Variants in ABL1 observed in about 807,000 individuals in gnomAD.
ABL1 encodes the protein tyrosine-protein kinase ABL1.
In ABL1, 11 loss-of-function variants were observed where a neutral mutation model predicts 94.7. The observed-to-expected ratio is 0.12, with a 90% CI of 0.07 to 0.19. The LOEUF is 0.19. ABL1 is among the 10% of genes least tolerant of loss of function. The pLI, the probability that ABL1 is intolerant of heterozygous loss-of-function variation, is 1.00. For missense variants in ABL1, 1,082 were observed against 1,489.4 expected, an observed-to-expected ratio of 0.73 and a Z score of 4.50; for synonymous variants, 656 against 622.4, an observed-to-expected ratio of 1.05 and a Z score of -0.80.
At chr9:130,783,836 A>T (rs563832153) in intron 1 of ABL1, among the ~76,000 whole-genome samples, 1 of 152,082 alleles carries the variant, frequency 6.6e-6, no homozygotes, top group Admixed American at 6.6e-5. Flanking sequence ...TTGTATTTTT[A>T]GTAGAGACGG....
chr9:130,752,481 G>C (rs1803106589), intron 1 of ABL1, among the ~76,000 whole-genome samples: 2 of 152,176 alleles, frequency 1.3e-5, no homozygotes, highest in Admixed American at 1.3e-4. Flanking sequence ...GGGTTGCTAT[G>C]AGGGTGAAGT....
chr9:130,790,285 C>G (rs1317069834), intron 1 of ABL1, among the ~76,000 whole-genome samples: 1 of 151,848 alleles, frequency 6.6e-6, no homozygotes, highest in Non-Finnish European at 1.5e-5. Flanking sequence ...GCCTGTGGCC[C>G]CCACCCTTTT....
At chr9:130,842,099 C>A (rs531379686) in intron 1 of ABL1, among the ~76,000 whole-genome samples, 21 of 150,096 alleles carry the variant, frequency 1.4e-4, no homozygotes, top group African/African-American at 4.7e-4. Flanking sequence ...AATAGGATGG[C>A]CAGTGGGGCT....
exon 1 of ABL1, chr9:130,714,231 C>T: frequency 7.7e-7 from 1 of 1,297,288 alleles, no homozygotes; most frequent in Non-Finnish European, 1.0e-6. Flanking sequence ...AATGTGAAAT[C>T]CCACGTATAT....
At chr9:130,841,764 A>T (rs916612944) in intron 1 of ABL1, among the ~76,000 whole-genome samples, 7 of 152,002 alleles carry the variant, frequency 4.6e-5, no homozygotes, top group African/African-American at 1.7e-4. Flanking sequence ...GTGAGCCGCG[A>T]TCTCACCATT....
At chr9:130,733,797 A>C (rs573138392) in intron 1 of ABL1, among the ~76,000 whole-genome samples, 1 of 151,832 alleles carries the variant, frequency 6.6e-6, no homozygotes, top group South Asian at 2.1e-4. Context: ...TCACCATGTT[A>C]GCCAGGATGG....
At chr9:130,742,783 A>G (rs1831836074) in intron 1 of ABL1, among the ~76,000 whole-genome samples, 1 of 152,146 alleles carries the variant, frequency 6.6e-6, no homozygotes, top group African/African-American at 2.4e-5. Flanking sequence ...ATGTATGTTT[A>G]TATGTATATC....
chr9:130,742,515 C>T lies in ABL1; in HGVS notation c.136+28060C>T, dbSNP rs115308269. Among the ~76,000 whole-genome samples the T allele has an allele frequency of 4.1e-3, 629 of 152,252 alleles. 5 individuals are homozygous for T. The highest frequency in any genetic ancestry group is 0.014 in the African/African-American group (591 of 41,544). On this transcript the variant is annotated intron_variant, in intron 1 of 10. Coordinates refer to the ABL1 transcript ENST00000372348. Reference sequence around the variant, plus strand: ...CCAGGTTTCGTCACATATTCCCTACCTGTTGCTGCCATTGAGGGCTTTCTC... The same window carrying T: ...CCAGGTTTCGTCACATATTCCCTACTTGTTGCTGCCATTGAGGGCTTTCTC...
At chr9:130,740,532 C>T (rs944782154) in intron 1 of ABL1, among the ~76,000 whole-genome samples, 8 of 152,260 alleles carry the variant, frequency 5.3e-5, no homozygotes, top group Non-Finnish European at 1.0e-4. Context: ...GGTGGTGGTA[C>T]TATGCCACAG....
chr9:130,713,183 G>A (rs1244169405), exon 1 of ABL1, among the ~76,000 whole-genome samples: 1 of 152,190 alleles, frequency 6.6e-6, no homozygotes, highest in East Asian at 1.9e-4. Context: ...TCCCTCGGCG[G>A]AGCTCGGGAG....
intron 1 of ABL1, among the ~76,000 whole-genome samples, chr9:130,845,444 C>T (rs1321384445): frequency 4.6e-5 from 7 of 151,882 alleles, no homozygotes; most frequent in East Asian, 3.9e-4. Flanking sequence ...CGGGTTCAAG[C>T]GAAACCCCTG....
intron 1 of ABL1, among the ~76,000 whole-genome samples, chr9:130,747,429 G>A (rs902940134): frequency 1.3e-5 from 2 of 151,704 alleles, no homozygotes; most frequent in Non-Finnish European, 2.9e-5. Context: ...TTTTGTTTGC[G>A]TGGGGACAGA....
chr9:130,798,816 A>G (rs1380300144), intron 1 of ABL1, among the ~76,000 whole-genome samples: 2 of 151,938 alleles, frequency 1.3e-5, no homozygotes, highest in Non-Finnish European at 2.9e-5. Context: ...AAAATACAAA[A>G]AAGAATTAGC....
chr9:130,745,126 C>G lies in ABL1; in HGVS notation c.136+30671C>G, dbSNP rs146621235. ...GGGGGCAGAGTTTTGCTCTTGTTGC[C>G]CAGGCTGGAGGGCAATGGTGTGATC... is the stretch of plus-strand genomic sequence containing the variant. On this transcript the variant is annotated intron_variant, in intron 1 of 10. Transcript: ENST00000372348. 6.5e-3 allele frequency among the ~76,000 whole-genome samples: 970 copies of G among 149,982 alleles called. 7 individuals carry two copies. The highest frequency in any genetic ancestry group is 0.022 in the African/African-American group (902 of 40,758).
Position 130,864,626 on chromosome 9 carries a change from A to G in ABL1, c.822+1591A>G, listed in dbSNP as rs1831126396. Among the ~76,000 whole-genome samples the G allele has an allele frequency of 2.0e-5, 3 of 152,240 alleles. No individual in the cohort carries two copies. In the South Asian group the frequency reaches 6.2e-4, roughly 32 times the overall value. On this transcript the variant is annotated intron_variant, in intron 4 of 10. Coordinates refer to ENST00000318560, the MANE Select transcript of ABL1 (RefSeq NM_005157.6). ...GTTCCTGGGCTCAACACTGGATTAG[A>G]AAATGAATGGGACAGAGTTCTTCAT...
intron 10 of ABL1, among the ~76,000 whole-genome samples, 199 bp from the exon 11 acceptor site, chr9:130,883,770 G>T (rs1831508037): frequency 6.6e-6 from 1 of 152,306 alleles, no homozygotes; most frequent in Admixed American, 6.5e-5. Flanking sequence ...GGGACAATGG[G>T]CCATTATGCA....
chr9:130,820,742 CTCA>C (rs1171349489), intron 1 of ABL1, among the ~76,000 whole-genome samples: 1 of 152,168 alleles, frequency 6.6e-6, no homozygotes, highest in Non-Finnish European at 1.5e-5. Flanking sequence ...AATCCTTTGT[CTCA>C]TCATTTATAT....
At chr9:130,877,564 T>C (rs1831368437) in intron 7 of ABL1, among the ~76,000 whole-genome samples, 9 of 147,318 alleles carry the variant, frequency 6.1e-5, no homozygotes, top group Admixed American at 6.1e-4. Flanking sequence ...CCCCACAGGG[T>C]CTGAAACTCA....
chr9:130,821,859 G>A (rs1430602328), intron 1 of ABL1, among the ~76,000 whole-genome samples: 1 of 91,868 alleles, frequency 1.1e-5, no homozygotes, highest in African/African-American at 4.1e-5. Flanking sequence ...TTTTTTTTTT[G>A]AGACAGAGTC....
Sources: allele counts gnomAD v4.1 joint callset (sites outside exome capture counted in the v4.1 genomes callset), GRCh38; gene constraint gnomAD v4.1.1; transcripts MANE v1.5; gene names NCBI Gene and HGNC (gene_info 2026-07-23, HGNC 2026-07-21).